The following RGS6 variants were observed in gnomAD, a reference collection of about 807,000 sequenced individuals.
RGS6 encodes regulator of G protein signaling 6, also known as regulator of G-protein signaling 6.
In RGS6, 30 loss-of-function variants were observed where a neutral mutation model predicts 78.5. The ratio of observed to expected loss-of-function variants is 0.38; its 90% CI spans 0.29 to 0.52. The LOEUF (loss-of-function observed/expected upper bound fraction) is 0.52. RGS6 is among the 20% of genes least tolerant of loss of function. The pLI, the probability that RGS6 is intolerant of heterozygous loss-of-function variation, is 0.85. For missense variants in RGS6, 495 were observed against 609.7 expected, an observed-to-expected ratio of 0.81 and a Z score of 1.98; for synonymous variants, 206 against 206.0, an observed-to-expected ratio of 1.00 and a Z score of 0.00.
At chr14:72,140,158 A>G (rs1332497893) in intron 2 of RGS6, among the ~76,000 whole-genome samples, 1 of 152,184 alleles carries the variant, frequency 6.6e-6, no homozygotes. Flanking sequence ...TGGTTTTTGT[A>G]GAAGGTGGCG....
chr14:71,898,124 T>C, the RGS6 span, among the ~76,000 whole-genome samples: 3 of 152,092 alleles, frequency 2.0e-5, no homozygotes, highest in Non-Finnish European at 4.4e-5. Flanking sequence ...CATACTTTTA[T>C]TGTGGTGAGA....
chr14:72,341,036 G>C (rs575911620), intron 2 of RGS6, among the ~76,000 whole-genome samples: 3 of 152,176 alleles, frequency 2.0e-5, no homozygotes, highest in Admixed American at 2.0e-4. Context: ...ATGGGAAAAA[G>C]GAATAAAAAA....
At chr14:72,510,348 T>C in intron 14 of RGS6, 69 bp downstream of exon 14, 1 of 1,039,774 alleles carries the variant, frequency 9.6e-7, no homozygotes, top group Non-Finnish European at 1.3e-6. Flanking sequence ...GGTCTCTCCA[T>C]CTCTCTCTCT....
rs113004347 is a variant in RGS6 at position 72,458,163 on chromosome 14, A to G, written c.236-108A>G. Reference sequence around the variant, plus strand: ...CTGAGCAAGGGCAATTGTATCATCAACACAGACATCTGGGGGTGATGACAG... The same window carrying G: ...CTGAGCAAGGGCAATTGTATCATCAGCACAGACATCTGGGGGTGATGACAG... On this transcript the variant is annotated intron_variant, in intron 4 of 17. Coordinates refer to ENST00000553525, the MANE Select transcript of RGS6 (RefSeq NM_001204424.2). 57 of 814,914 alleles carry G rather than the reference A, an allele frequency of 7.0e-5. No individual in the cohort carries two copies. In the African/African-American group the frequency reaches 8.0e-4, roughly 11 times the overall value. 50.5% of individuals were successfully genotyped at this position (814,914 alleles called of 1,614,324 possible).
At chr14:72,436,144 T>C (rs1299585762) in intron 3 of RGS6, among the ~76,000 whole-genome samples, 1 of 152,194 alleles carries the variant, frequency 6.6e-6, no homozygotes, top group Non-Finnish European at 1.5e-5. Flanking sequence ...GCCTTGCGGA[T>C]GGAAGTCAAG....
At chr14:71,876,265 A>G in the RGS6 span, among the ~76,000 whole-genome samples, 14 of 151,950 alleles carry the variant, frequency 9.2e-5, no homozygotes, top group Non-Finnish European at 1.5e-4. Context: ...TCCCATTATT[A>G]TTGTATGGGA....
intron 3 of RGS6, among the ~76,000 whole-genome samples, chr14:72,385,253 G>A (rs994766347): frequency 6.6e-6 from 1 of 152,092 alleles, no homozygotes; most frequent in African/African-American, 2.4e-5. Flanking sequence ...CATCCTTTGC[G>A]GTTATCTCAA....
At chr14:71,966,388 G>A (rs146726129) in intron 2 of RGS6, among the ~76,000 whole-genome samples, 1 of 152,294 alleles carries the variant, frequency 6.6e-6, no homozygotes, top group East Asian at 1.9e-4. Flanking sequence ...TAAGAATCAT[G>A]CTTATTAAAT....
intron 3 of RGS6, among the ~76,000 whole-genome samples, chr14:72,438,747 T>G (rs1305553430): frequency 2.0e-5 from 3 of 152,224 alleles, no homozygotes; most frequent in Non-Finnish European, 4.4e-5. Flanking sequence ...CTTCTACTCC[T>G]CTCCCTTTAC....
At chr14:72,518,066 A>G (rs897822056) in intron 14 of RGS6, among the ~76,000 whole-genome samples, 3 of 152,252 alleles carry the variant, frequency 2.0e-5, no homozygotes, top group Non-Finnish European at 2.9e-5. Flanking sequence ...TGAAGTGGCA[A>G]TAGTGCTGAG....
intron 3 of RGS6, among the ~76,000 whole-genome samples, chr14:72,431,796 G>A (rs534298385): frequency 1.3e-5 from 2 of 152,210 alleles, no homozygotes; most frequent in South Asian, 4.1e-4. Context: ...CCAAATTCTC[G>A]CTGGATCTCC....
intron 2 of RGS6, among the ~76,000 whole-genome samples, chr14:72,143,219 G>A (rs1235978204): frequency 6.6e-6 from 1 of 151,882 alleles, no homozygotes; most frequent in Non-Finnish European, 1.5e-5. Flanking sequence ...AATAAAATAC[G>A]TAAATTAGTC....
intron 2 of RGS6, among the ~76,000 whole-genome samples, chr14:72,215,337 G>T (rs1282603541): frequency 6.6e-6 from 1 of 152,190 alleles, no homozygotes; most frequent in Non-Finnish European, 1.5e-5. Flanking sequence ...TGCTGACGGG[G>T]TAGAGATAGA....
At chr14:72,259,177 G>T (rs1473263956) in intron 2 of RGS6, among the ~76,000 whole-genome samples, 1 of 152,126 alleles carries the variant, frequency 6.6e-6, no homozygotes, top group East Asian at 1.9e-4. Flanking sequence ...TTTTGTTTAG[G>T]CTTGATGTCT....
chr14:72,472,172 GAAAAAAA>G (rs5809575), intron 8 of RGS6, among the ~76,000 whole-genome samples: 1 of 141,530 alleles, frequency 7.1e-6, no homozygotes, highest in South Asian at 2.2e-4. Context: ...GCTTTTTTAA[GAAAAAAA>G]AAAAAAGAAA....
At chr14:72,220,189 C>G (rs2153789794) in intron 2 of RGS6, among the ~76,000 whole-genome samples, 1 of 152,254 alleles carries the variant, frequency 6.6e-6, no homozygotes, top group East Asian at 1.9e-4. Flanking sequence ...GGTGAAAGAC[C>G]TTTACAATGA....
chr14:72,403,476 G>A (rs1394961372), intron 3 of RGS6, among the ~76,000 whole-genome samples: 2 of 152,304 alleles, frequency 1.3e-5, no homozygotes, highest in East Asian at 3.9e-4. Context: ...AGATGGAGAG[G>A]TTGGTTCAAG....
chr14:72,314,368 A>G (rs1265691553), intron 2 of RGS6, among the ~76,000 whole-genome samples: 1 of 152,192 alleles, frequency 6.6e-6, no homozygotes. Context: ...AGAAGAAATG[A>G]GGGAAGAAAC....
At chr14:72,169,300 G>T (rs1266647923) in intron 2 of RGS6, among the ~76,000 whole-genome samples, 1 of 152,186 alleles carries the variant, frequency 6.6e-6, no homozygotes, top group African/African-American at 2.4e-5. Context: ...TGTGTTAGGG[G>T]TTAATGTAAG....
Sources: gnomAD v4.1 joint callset for allele counts (sites outside exome capture counted in the v4.1 genomes callset) on GRCh38, gnomAD v4.1.1 for gene constraint, MANE v1.5 for transcripts, NCBI Gene and HGNC (gene_info 2026-07-23, HGNC 2026-07-21) for gene names.